Variants in ERO1B observed in about 807,000 individuals in gnomAD.
ERO1B encodes the protein endoplasmic reticulum oxidoreductase 1 beta, also known as ERO1-like protein beta.
ERO1B carries 49 observed loss-of-function variants against 75.3 expected under a neutral mutation model. That is an observed-to-expected ratio of 0.65 (90% CI 0.52 to 0.83). The LOEUF (loss-of-function observed/expected upper bound fraction) is 0.83, where lower values mean the gene tolerates loss of function less well. Ranked by LOEUF, ERO1B falls within the 40% of genes least tolerant of loss-of-function variation. The probability of loss-of-function intolerance (pLI) is 0.00; values close to 1 mark genes in which losing one functional copy is unlikely to be tolerated. For synonymous variants in ERO1B, 191 were observed against 192.9 expected (o/e 0.99, Z 0.08); for missense variants, 512 against 560.1 (o/e 0.91, Z 0.87).
chr1:236,220,027 TTAAAAAAAAAAAA>T (rs1328200285), intron 15 of ERO1B: 2 of 132,990 alleles, frequency 1.5e-5, no homozygotes, highest in Middle Eastern at 3.4e-3. Flanking sequence ...CTCATCTCTT[TTAAAAAAAAAAAA>T]AAAAAAAAAA....
At position 236,231,500 on chromosome 1, in the gene ERO1B, GA is replaced by G. The variant is rs57411768; in HGVS notation, c.686-1251del. 3.0e-3 allele frequency among the ~76,000 whole-genome samples: 290 copies of G among 95,864 alleles called. 1 individual carries two copies. The highest frequency in any genetic ancestry group is 0.011 in the Middle Eastern group (2 of 174). The allele number at this position is 95,864 out of a possible 152,430, so 62.9% of individuals were successfully genotyped here. On this transcript the variant is annotated intron_variant, in intron 9 of 15. Transcript: ENST00000354619. ...ATATTTCAAAACATGTTAAACACTT[GA>G]AAAAAAAAAAAAAAAAGAACCATTC...
In ERO1B at chr1:236,221,799, C is replaced by T. The variant is rs1572028163; in HGVS notation, c.1209+125G>A. ...AATTTTTTCATCAACAGAAAAAACA[C>T]CTTGGATCTGCCTATTCCTAAATTC... On this transcript the variant is annotated intron_variant, in intron 14 of 15. Transcript: ENST00000354619. 7 of 699,282 alleles carry T rather than the reference C, an allele frequency of 1.0e-5. No homozygotes were observed. In the East Asian group the frequency reaches 2.0e-4, roughly 20 times the overall value. The allele number at this position is 699,282 out of a possible 1,614,324, so 43.3% of individuals were successfully genotyped here. A position where few individuals can be genotyped will look rare whatever the true frequency, so the allele number is the denominator to read the frequency against.
intron 10 of ERO1B, 102 bp from the exon 11 acceptor site, chr1:236,226,841 TTAAAA>T (rs1303286269): frequency 1.9e-5 from 15 of 782,838 alleles, no homozygotes; most frequent in Non-Finnish European, 2.9e-5. Flanking sequence ...TTGAAGAACA[TTAAAA>T]TAAATCAAGG....
intron 5 of ERO1B, among the ~76,000 whole-genome samples, chr1:236,249,218 G>T (rs1278849587): frequency 6.6e-6 from 1 of 151,942 alleles, no homozygotes; most frequent in East Asian, 1.9e-4. Context: ...TAGAGATGGG[G>T]TTTCACCATG....
In ERO1B at chr1:236,265,628, A is replaced by G. The variant is rs532298578; in HGVS notation, c.222+4247T>C. On this transcript the variant is annotated intron_variant, in intron 2 of 15. Transcript: ENST00000354619. ...TCTATTTCTTGTCTTCTACCCTTAC[A>G]GTCTTTTTTGCACAAAAATCCCTTC... 2.0e-4 allele frequency among the ~76,000 whole-genome samples: 31 copies of G among 152,316 alleles called. 2 individuals carry two copies. The South Asian group carries it at 6.0e-3, about 29-fold the overall frequency.
intron 2 of ERO1B, among the ~76,000 whole-genome samples, chr1:236,264,487 T>C (rs923802121): frequency 6.6e-6 from 1 of 152,088 alleles, no homozygotes; most frequent in African/African-American, 2.4e-5. Context: ...CACTTATTAG[T>C]AGGAGGTAAA....
At chr1:236,241,981 T>C (rs1347010977) in intron 6 of ERO1B, among the ~76,000 whole-genome samples, 1 of 150,164 alleles carries the variant, frequency 6.7e-6, no homozygotes, top group Non-Finnish European at 1.5e-5. Flanking sequence ...GGCAGGAGAA[T>C]GGCGTGAACC....
chr1:236,274,828 A>C (rs1665674595), intron 1 of ERO1B, among the ~76,000 whole-genome samples: 1 of 152,214 alleles, frequency 6.6e-6, no homozygotes. Flanking sequence ...GAATGAACAA[A>C]GTACAGAATG....
At chr1:236,254,369 C>T (rs1558517120) in intron 2 of ERO1B, among the ~76,000 whole-genome samples, 1 of 152,182 alleles carries the variant, frequency 6.6e-6, no homozygotes, top group Non-Finnish European at 1.5e-5. Flanking sequence ...CTCCCTGCTT[C>T]TACTTCTATG....
intron 2 of ERO1B, among the ~76,000 whole-genome samples, chr1:236,268,167 A>C (rs1665494633): frequency 6.6e-6 from 1 of 152,226 alleles, no homozygotes; most frequent in Admixed American, 6.5e-5. Flanking sequence ...ATGTGTTCCC[A>C]AATCTTTAAT....
intron 10 of ERO1B, 60 bp downstream of exon 10, chr1:236,230,164 T>C: frequency 7.4e-7 from 1 of 1,346,978 alleles, no homozygotes; most frequent in South Asian, 1.2e-5. Context: ...TACAAAAATA[T>C]GCTAAATAAA....
chr1:236,231,845 ACCT>A (rs751133697), intron 9 of ERO1B, among the ~76,000 whole-genome samples: 2 of 152,136 alleles, frequency 1.3e-5, no homozygotes, highest in Admixed American at 6.5e-5. Context: ...GATTCAAAAC[ACCT>A]CAAGTGCCAA....
intron 6 of ERO1B, among the ~76,000 whole-genome samples, chr1:236,237,513 T>G (rs538240391): frequency 1.2e-4 from 18 of 152,256 alleles, no homozygotes; most frequent in African/African-American, 4.1e-4. Context: ...GGAAACGTGC[T>G]TTTCATAGCT....
At chr1:236,253,102 A>G (rs564460826) in intron 3 of ERO1B, among the ~76,000 whole-genome samples, 2 of 152,076 alleles carry the variant, frequency 1.3e-5, no homozygotes, top group East Asian at 3.9e-4. Flanking sequence ...ATGAAACAAG[A>G]TGCTGATTCA....
chr1:236,279,163 C>T (rs1426252835), intron 1 of ERO1B, among the ~76,000 whole-genome samples: 1 of 152,192 alleles, frequency 6.6e-6, no homozygotes, highest in Admixed American at 6.5e-5. Flanking sequence ...GGTCCCACTT[C>T]GGAGAGATTG....
chr1:236,232,127 G>A (rs1664424651), intron 9 of ERO1B, among the ~76,000 whole-genome samples: 2 of 152,076 alleles, frequency 1.3e-5, no homozygotes, highest in East Asian at 1.9e-4. Context: ...TGTGAGATAC[G>A]ATCTGTTTCT....
chr1:236,270,952 A>G (rs1665575793), intron 1 of ERO1B, among the ~76,000 whole-genome samples: 1 of 152,218 alleles, frequency 6.6e-6, no homozygotes, highest in African/African-American at 2.4e-5. Flanking sequence ...ACTGTTCAGT[A>G]TTTTGACTGT....
chr1:236,280,382 A>G (rs938614882), intron 1 of ERO1B, among the ~76,000 whole-genome samples: 1 of 152,244 alleles, frequency 6.6e-6, no homozygotes, highest in Non-Finnish European at 1.5e-5. Context: ...CCAGATTACC[A>G]CTATCTATTC....
At chr1:236,250,611 A>ATG (rs1664999852) in intron 4 of ERO1B, among the ~76,000 whole-genome samples, 4 of 67,542 alleles carry the variant, frequency 5.9e-5, no homozygotes, top group Admixed American at 5.2e-4. Flanking sequence ...ATATATATAT[A>ATG]TATATATCAA....
Sources: allele counts gnomAD v4.1 joint callset (sites outside exome capture counted in the v4.1 genomes callset), GRCh38; gene constraint gnomAD v4.1.1; transcripts MANE v1.5; gene names NCBI Gene and HGNC (gene_info 2026-07-23, HGNC 2026-07-21).